The following SLC39A11 variants were observed in gnomAD, a reference collection of about 807,000 sequenced individuals.
The protein encoded by SLC39A11 is zinc transporter ZIP11.
SLC39A11 carries 33 observed loss-of-function variants against 36.1 expected under a neutral mutation model. That is an observed-to-expected ratio of 0.91 (90% CI 0.69 to 1.22). The LOEUF (loss-of-function observed/expected upper bound fraction) is 1.22. Among genes scored for constraint, SLC39A11 ranks in the 50% most tolerant of loss-of-function variants. The pLI, the probability that SLC39A11 is intolerant of heterozygous loss-of-function variation, is 0.00. For missense variants in SLC39A11, 432 were observed against 430.3 expected (o/e 1.00, Z -0.03); for synonymous variants, 166 against 170.3 (o/e 0.97, Z 0.20).
At chr17:73,083,772 T>G (rs1327789907) in intron 3 of SLC39A11, among the ~76,000 whole-genome samples, 2 of 151,872 alleles carry the variant, frequency 1.3e-5, no homozygotes, top group Admixed American at 6.6e-5. Context: ...AACAAGCAAA[T>G]GCAATATAGA....
intron 7 of SLC39A11, among the ~76,000 whole-genome samples, chr17:72,700,285 G>C (rs1423859934): frequency 1.3e-5 from 2 of 152,190 alleles, no homozygotes; most frequent in Admixed American, 1.3e-4. Flanking sequence ...TTAACAGTTG[G>C]GGTGGAGCGG....
chr17:72,958,557 T>G (rs2086390455), intron 4 of SLC39A11, among the ~76,000 whole-genome samples: 1 of 152,066 alleles, frequency 6.6e-6, no homozygotes, highest in African/African-American at 2.4e-5. Context: ...TAGACAATTC[T>G]CAAAAGAAGA....
At chr17:72,907,682 C>T (rs2082730058) in intron 5 of SLC39A11, among the ~76,000 whole-genome samples, 3 of 152,182 alleles carry the variant, frequency 2.0e-5, no homozygotes, top group Non-Finnish European at 4.4e-5. Flanking sequence ...CTCCTTACTC[C>T]AGCCCACCTC....
chr17:73,001,814 G>T (rs1287850512), intron 4 of SLC39A11, among the ~76,000 whole-genome samples: 1 of 152,122 alleles, frequency 6.6e-6, no homozygotes, highest in Non-Finnish European at 1.5e-5. Context: ...AGAGCCCACA[G>T]GTCCCCTGCA....
intron 6 of SLC39A11, among the ~76,000 whole-genome samples, chr17:72,768,313 A>T (rs914668242): frequency 3.3e-5 from 5 of 152,206 alleles, no homozygotes; most frequent in Non-Finnish European, 7.3e-5. Flanking sequence ...TTAAACTATA[A>T]CCTAAATGTC....
intron 7 of SLC39A11, among the ~76,000 whole-genome samples, chr17:72,716,333 T>C (rs930209773): frequency 1.3e-5 from 2 of 151,944 alleles, no homozygotes; most frequent in Non-Finnish European, 2.9e-5. Flanking sequence ...AAGAATGCTG[T>C]GGTTGAACCT....
At chr17:72,655,851 G>T (rs1193362916) in intron 7 of SLC39A11, among the ~76,000 whole-genome samples, 1 of 152,208 alleles carries the variant, frequency 6.6e-6, no homozygotes, top group Non-Finnish European at 1.5e-5. Context: ...TCTCTCAGTG[G>T]TAGGGGGTGA....
intron 3 of SLC39A11, among the ~76,000 whole-genome samples, chr17:73,037,219 G>C (rs1301932033): frequency 6.6e-6 from 1 of 152,180 alleles, no homozygotes; most frequent in African/African-American, 2.4e-5. Context: ...TGGACTGGAA[G>C]TTTTCCATTC....
At chr17:73,068,164 C>T (rs1195927575) in intron 3 of SLC39A11, 26 of 1,269,510 alleles carry the variant, frequency 2.0e-5, no homozygotes, top group Admixed American at 9.5e-5. Context: ...CCTCTGTTCC[C>T]GGAGAAACTG....
chr17:72,964,945 C>G (rs555628870), intron 4 of SLC39A11, among the ~76,000 whole-genome samples: 1 of 152,172 alleles, frequency 6.6e-6, no homozygotes, highest in Non-Finnish European at 1.5e-5. Context: ...AGTTCATGTC[C>G]TTTGTACGGA....
chr17:72,998,762 T>A (rs1227239178), intron 4 of SLC39A11, among the ~76,000 whole-genome samples: 1 of 152,116 alleles, frequency 6.6e-6, no homozygotes, highest in Non-Finnish European at 1.5e-5. Flanking sequence ...ATCCAATCAC[T>A]GAATCACAGA....
intron 5 of SLC39A11, among the ~76,000 whole-genome samples, chr17:72,910,042 G>A (rs376729065): frequency 6.6e-6 from 1 of 151,792 alleles, no homozygotes; most frequent in South Asian, 2.1e-4. Flanking sequence ...GTGAGCCACC[G>A]CACCCGGCCT....
At chr17:72,739,702 C>T (rs759300300) in intron 6 of SLC39A11, among the ~76,000 whole-genome samples, 1 of 152,202 alleles carries the variant, frequency 6.6e-6, no homozygotes, top group Non-Finnish European at 1.5e-5. Flanking sequence ...AAAACCCTCC[C>T]TTTAACAGCT....
At chr17:73,068,268 T>A (rs1365245508) in intron 3 of SLC39A11, 1 of 710,636 alleles carries the variant, frequency 1.4e-6, no homozygotes, top group Non-Finnish European at 2.5e-6. Context: ...AGCTGCAACA[T>A]GGACTGCGGC....
chr17:72,812,742 A>G (rs9902128), intron 6 of SLC39A11, among the ~76,000 whole-genome samples: 11,311 of 152,256 alleles, frequency 0.074, 464 homozygotes, highest in Non-Finnish European at 0.084. Context: ...GAAAACTACA[A>G]TGACAAATAA....
At chr17:72,904,160 C>T (rs906516859) in intron 5 of SLC39A11, among the ~76,000 whole-genome samples, 2 of 152,140 alleles carry the variant, frequency 1.3e-5, no homozygotes, top group Non-Finnish European at 2.9e-5. Context: ...AAGCCGGGCG[C>T]GGTGGCACAC....
chr17:72,972,549 C>G (rs976875948), intron 4 of SLC39A11, among the ~76,000 whole-genome samples: 15 of 152,216 alleles, frequency 9.9e-5, no homozygotes, highest in African/African-American at 3.6e-4. Context: ...TCAATATCCT[C>G]TCCCATTTCC....
At chr17:73,087,831 T>C (rs1186957011) in intron 2 of SLC39A11, among the ~76,000 whole-genome samples, 1 of 151,694 alleles carries the variant, frequency 6.6e-6, no homozygotes, top group African/African-American at 2.4e-5. Flanking sequence ...TCTATATTCA[T>C]CCCAAGGGGA....
chr17:73,082,116 TAAAAAAAAAG>T (rs1388084450), intron 3 of SLC39A11, among the ~76,000 whole-genome samples: 2 of 80,354 alleles, frequency 2.5e-5, no homozygotes, highest in South Asian at 5.1e-4. Flanking sequence ...CTACTGAAAC[TAAAAAAAAAG>T]AAAAAAAAAA....
Sources: allele counts gnomAD v4.1 joint callset (sites outside exome capture counted in the v4.1 genomes callset), GRCh38; gene constraint gnomAD v4.1.1; transcripts MANE v1.5; gene names NCBI Gene and HGNC (gene_info 2026-07-23, HGNC 2026-07-21).